Variants in SIRPG observed in about 807,000 individuals in gnomAD.
The protein encoded by SIRPG is signal regulatory protein gamma.
In SIRPG, 38 loss-of-function variants were observed where a neutral mutation model predicts 35.7. The observed-to-expected ratio is 1.06, with a 90% CI of 0.82 to 1.40. SIRPG has a LOEUF of 1.40. Ranked by LOEUF, SIRPG falls within the 40% of genes most tolerant of loss-of-function variation. The probability of loss-of-function intolerance (pLI) is 0.00; values close to 1 mark genes in which losing one functional copy is unlikely to be tolerated. For synonymous variants in SIRPG, 215 were observed against 190.4 expected (o/e 1.13, Z -1.06); for missense variants, 519 against 483.0 (o/e 1.07, Z -0.70).
upstream of SIRPG, chr20:1,657,914 G>T: frequency 3.8e-6 from 2 of 525,104 alleles, no homozygotes; most frequent in East Asian, 6.6e-5. Context: ...AGTTAATCGT[G>T]CTCCATTTTC....
chr20:1,674,788 A>G, the SIRPG span, among the ~76,000 whole-genome samples: 4 of 152,218 alleles, frequency 2.6e-5, no homozygotes, highest in African/African-American at 9.7e-5. Context: ...AGGGGTGCCT[A>G]CAATGTGCTA....
At chr20:1,641,756 G>T (rs1270195134) in intron 2 of SIRPG, among the ~76,000 whole-genome samples, 1 of 152,152 alleles carries the variant, frequency 6.6e-6, no homozygotes, top group Non-Finnish European at 1.5e-5. Flanking sequence ...TCTAAACACT[G>T]CTTTAGCTGT....
At chr20:1,645,040 G>A (rs1442211096) in intron 2 of SIRPG, among the ~76,000 whole-genome samples, 1 of 152,124 alleles carries the variant, frequency 6.6e-6, no homozygotes, top group East Asian at 1.9e-4. Flanking sequence ...GGAGACTTTT[G>A]GGGCTGAGGA....
At chr20:1,684,206 A>G in the SIRPG span, among the ~76,000 whole-genome samples, 1 of 152,212 alleles carries the variant, frequency 6.6e-6, no homozygotes, top group Non-Finnish European at 1.5e-5. Context: ...CATGTAAGGT[A>G]ATGCATAGGT....
chr20:1,645,843 C>T (rs1348508400), intron 2 of SIRPG, among the ~76,000 whole-genome samples: 2 of 152,210 alleles, frequency 1.3e-5, no homozygotes, highest in Non-Finnish European at 2.9e-5. Flanking sequence ...TGCACATCCT[C>T]TCCGATCCTC....
chr20:1,667,225 G>A, the SIRPG span, among the ~76,000 whole-genome samples: 1 of 152,172 alleles, frequency 6.6e-6, no homozygotes. Context: ...AAAAACTACT[G>A]TGTTCTAATT....
the SIRPG span, among the ~76,000 whole-genome samples, chr20:1,667,738 A>G: frequency 6.6e-6 from 1 of 152,204 alleles, no homozygotes; most frequent in Non-Finnish European, 1.5e-5. Flanking sequence ...TTGTTCATAC[A>G]TTGCATAGCT....
chr20:1,638,959 T>A (rs371860342), intron 2 of SIRPG, among the ~76,000 whole-genome samples: 2 of 152,240 alleles, frequency 1.3e-5, no homozygotes, highest in Non-Finnish European at 2.9e-5. Context: ...CTCATTCTTT[T>A]TTATGGCTGC....
the SIRPG span, among the ~76,000 whole-genome samples, chr20:1,678,868 C>A: frequency 6.6e-6 from 1 of 152,152 alleles, no homozygotes; most frequent in Non-Finnish European, 1.5e-5. Context: ...CGCGAGAGAT[C>A]CTTGTAAGAT....
Position 1,636,274 on chromosome 20 carries a change from C to G in SIRPG, c.662G>C (p.Arg221Pro), listed in dbSNP as rs148726891. The G allele has an allele frequency of 3.1e-6, 5 of 1,614,026 alleles. No individual in the cohort carries two copies. Among genetic ancestry groups the G allele is most frequent in the Non-Finnish European group, 4.2e-6 (5 of 1,180,032 alleles). The stretch of plus-strand genomic sequence containing the variant: ...GGCCACCTCGCAGATGACCTGAGAG[C>G]GAACGTCCCAGGGGTCCAGTACCAC... ...ARVVLDPWDV[R>P]SQVICEVAHV... Residue 221 changes from arginine to proline, a missense_variant, in exon 3 of 6, where the codon CGC becomes CCC. Coordinates refer to ENST00000303415, the MANE Select transcript of SIRPG (RefSeq NM_018556.4).
the SIRPG span, among the ~76,000 whole-genome samples, chr20:1,685,607 C>G: frequency 0.69 from 105,285 of 152,022 alleles, 37,021 homozygotes; most frequent in East Asian, 1. Context: ...GTCTGTAGTA[C>G]TTTGTTATGC....
At chr20:1,679,145 C>T in the SIRPG span, among the ~76,000 whole-genome samples, 6 of 152,190 alleles carry the variant, frequency 3.9e-5, no homozygotes, top group Non-Finnish European at 8.8e-5. Flanking sequence ...CCACCACACC[C>T]AACTGGTGTG....
At chr20:1,659,739 A>G (rs553025831), upstream of SIRPG, among the ~76,000 whole-genome samples, 2 of 152,348 alleles carry the variant, frequency 1.3e-5, no homozygotes, top group East Asian at 1.9e-4. Context: ...TGGTTGTACT[A>G]TGATACCTCT....
At chr20:1,648,874 T>G (rs2091916756) in intron 2 of SIRPG, among the ~76,000 whole-genome samples, 178 bp downstream of exon 2, 1 of 152,156 alleles carries the variant, frequency 6.6e-6, no homozygotes, top group Admixed American at 6.5e-5. Flanking sequence ...ATCATTTACC[T>G]TGAGCAATAG....
the SIRPG span, among the ~76,000 whole-genome samples, chr20:1,668,188 T>C: frequency 5.7e-4 from 36 of 63,514 alleles, no homozygotes; most frequent in African/African-American, 1.6e-3. Flanking sequence ...TCTTTCTTTC[T>C]TTTTCTTTTC....
chr20:1,673,672 G>A, the SIRPG span, among the ~76,000 whole-genome samples: 8 of 151,904 alleles, frequency 5.3e-5, no homozygotes, highest in Admixed American at 5.2e-4. Context: ...CCCCTTTTCT[G>A]AACAATCCCC....
In SIRPG at chr20:1,634,246, G is replaced by C. The variant is rs999534742; in HGVS notation, c.1081+1021C>G. On this transcript the variant is annotated intron_variant, in intron 4 of 5. Transcript: ENST00000303415. ...TTTTTTGACAGAGTCTCGCTCTGTC[G>C]CCCAGGCTGGAGTGCAGTGGCATGA... 2.2e-5 allele frequency among the ~76,000 whole-genome samples: 3 copies of C among 139,040 alleles called. No individual in the cohort carries two copies. The East Asian group carries it at 6.6e-4, about 31-fold the overall frequency. 91.2% of individuals were successfully genotyped at this position (139,040 alleles called of 152,430 possible). A position where few individuals can be genotyped will look rare whatever the true frequency, so the allele number is the denominator to read the frequency against.
intron 2 of SIRPG, among the ~76,000 whole-genome samples, chr20:1,638,645 C>A (rs2091823769): frequency 6.6e-6 from 1 of 152,130 alleles, no homozygotes; most frequent in Non-Finnish European, 1.5e-5. Flanking sequence ...GATACAAGTG[C>A]AGAATATGCA....
chr20:1,676,508 G>C, the SIRPG span, among the ~76,000 whole-genome samples: 10 of 152,136 alleles, frequency 6.6e-5, no homozygotes, highest in African/African-American at 1.4e-4. Context: ...GGAATGATAG[G>C]GTTTATGTTT....
Sources: gnomAD v4.1 joint callset for allele counts (sites outside exome capture counted in the v4.1 genomes callset) on GRCh38, gnomAD v4.1.1 for gene constraint, MANE v1.5 for transcripts, NCBI Gene and HGNC (gene_info 2026-07-23, HGNC 2026-07-21) for gene names.